Variants in MORC3 observed in about 807,000 individuals in gnomAD.
MORC3 encodes the protein MORC family CW-type zinc finger protein 3.
Under a neutral mutation model 109.1 loss-of-function variants are expected in MORC3, and 31 were observed. That is an observed-to-expected ratio of 0.28 (90% CI 0.21 to 0.38). The LOEUF is 0.38. Among genes scored for constraint, MORC3 ranks in the 10% least tolerant of loss-of-function variants. The pLI, the probability that MORC3 is intolerant of heterozygous loss-of-function variation, is 1.00. For missense variants in MORC3, 867 were observed against 1,135.8 expected, an observed-to-expected ratio of 0.76 and a Z score of 3.40; for synonymous variants, 395 against 380.7, an observed-to-expected ratio of 1.04 and a Z score of -0.44.
intron 1 of MORC3, among the ~76,000 whole-genome samples, chr21:36,327,161 T>TG (rs1430570128): frequency 1.0e-4 from 4 of 38,160 alleles, no homozygotes; most frequent in African/African-American, 2.5e-4. Context: ...ATTTCTTTTT[T>TG]TTTTTTTTTT....
chr21:36,334,392 G>A (rs2085352302), intron 2 of MORC3, among the ~76,000 whole-genome samples: 1 of 152,078 alleles, frequency 6.6e-6, no homozygotes, highest in Admixed American at 6.6e-5. Context: ...GATTTACTTT[G>A]CTAAGTTCCT....
intron 15 of MORC3, among the ~76,000 whole-genome samples, chr21:36,370,633 A>ATTT (rs2085848041): frequency 1.7e-4 from 8 of 46,476 alleles, no homozygotes; most frequent in Non-Finnish European, 2.7e-4. Flanking sequence ...ATATATATAT[A>ATTT]TATATATTTT....
chr21:36,343,144 G>T (rs1299478446), intron 6 of MORC3, among the ~76,000 whole-genome samples: 1 of 152,124 alleles, frequency 6.6e-6, no homozygotes, highest in Non-Finnish European at 1.5e-5. Context: ...TGCCCAGGCT[G>T]GAGTGCAATG....
intron 9 of MORC3, among the ~76,000 whole-genome samples, chr21:36,353,905 T>C (rs2085609001): frequency 6.6e-6 from 1 of 151,084 alleles, no homozygotes; most frequent in African/African-American, 2.4e-5. Context: ...GTCCCATCTC[T>C]ACTAAAAATA....
At chr21:36,330,975 A>G (rs963093920) in intron 1 of MORC3, among the ~76,000 whole-genome samples, 1 of 152,234 alleles carries the variant, frequency 6.6e-6, no homozygotes, top group Non-Finnish European at 1.5e-5. Flanking sequence ...TCTAAATTGC[A>G]TATATACCAG....
chr21:36,341,445 A>G lies in MORC3; in HGVS notation c.655A>G (p.Ile219Val). Residue 219 changes from isoleucine to valine, a missense_variant, in exon 6 of 17, where the codon ATC (isoleucine) becomes GTC (valine). Transcript: ENST00000400485. ...EFDFEKDKYD[I>V]RIPEDLDEIT... ...CGATTTTGAAAAGGATAAATATGATATCAGAATTCCCGAGGATTTAGATGA... is the reference window on the plus strand; with the variant it reads ...CGATTTTGAAAAGGATAAATATGATGTCAGAATTCCCGAGGATTTAGATGA... 2 of 1,613,052 alleles carry G rather than the reference A, an allele frequency of 1.2e-6. No individual in the cohort carries two copies. The highest frequency in any genetic ancestry group is 1.1e-5 in the South Asian group (1 of 90,718).
intron 9 of MORC3, among the ~76,000 whole-genome samples, chr21:36,354,574 A>G (rs1381358706): frequency 6.6e-6 from 1 of 152,102 alleles, no homozygotes; most frequent in African/African-American, 2.4e-5. Context: ...AAGTGCTGGG[A>G]TTACAGGCGT....
At chr21:36,334,075 C>G (rs1335022098) in intron 2 of MORC3, among the ~76,000 whole-genome samples, 1 of 152,054 alleles carries the variant, frequency 6.6e-6, no homozygotes, top group East Asian at 1.9e-4. Flanking sequence ...GTGTGAGCCA[C>G]CGCACCCGGC....
Position 36,333,627 on chromosome 21 carries a change from G to A in MORC3, c.40-19G>A, listed in dbSNP as rs2146294637. 1.3e-6 allele frequency: 2 copies of A among 1,594,680 alleles called. No homozygotes were observed. The highest frequency in any genetic ancestry group is 1.7e-6 in the Non-Finnish European group (2 of 1,163,384). On this transcript the variant is annotated intron_variant, in intron 1 of 16. Coordinates refer to ENST00000400485, the MANE Select transcript of MORC3 (RefSeq NM_015358.3). ...AGTAAGACCTGAATTAATTTACATGGACCTTTTGTTTGTTTCAGCTTTGCC... is the reference window on the plus strand; with the variant it reads ...AGTAAGACCTGAATTAATTTACATGAACCTTTTGTTTGTTTCAGCTTTGCC...
intron 9 of MORC3, among the ~76,000 whole-genome samples, chr21:36,355,464 C>T (rs2085634973): frequency 6.6e-6 from 1 of 152,124 alleles, no homozygotes; most frequent in South Asian, 2.1e-4. Flanking sequence ...CTTTTCTCTT[C>T]AAGGCTTAAG....
intron 1 of MORC3, chr21:36,320,634 C>T: frequency 3.8e-6 from 1 of 263,668 alleles, no homozygotes; most frequent in East Asian, 6.8e-5. Context: ...CTCGGGGCCG[C>T]GGGGCCCCTG....
At chr21:36,330,442 C>T (rs930864358) in intron 1 of MORC3, among the ~76,000 whole-genome samples, 7 of 152,090 alleles carry the variant, frequency 4.6e-5, no homozygotes, top group Non-Finnish European at 1.0e-4. Flanking sequence ...TGGAAGTCCC[C>T]GCTTTGACTT....
At chr21:36,370,903 A>G (rs1319160937) in intron 15 of MORC3, among the ~76,000 whole-genome samples, 1 of 151,872 alleles carries the variant, frequency 6.6e-6, no homozygotes, top group East Asian at 1.9e-4. Flanking sequence ...TCCTGACATC[A>G]AGTGATCCAC....
At chr21:36,354,323 C>CTTTTTTTTTTTTT (rs144208712) in intron 9 of MORC3, among the ~76,000 whole-genome samples, 32 of 113,628 alleles carry the variant, frequency 2.8e-4, no homozygotes, top group Non-Finnish European at 3.4e-4. Flanking sequence ...TTCTTTCTTT[C>CTTTTTTTTTTTTT]TTTTTTTTTT....
In MORC3 at chr21:36,336,874, A is replaced by G; in HGVS notation, c.113A>G (p.Asp38Gly). The change falls in exon 3 of 17, where the codon GAT becomes GGT. Residue 38 changes from aspartate (D) to glycine (G), a missense_variant and splice_region_variant. Asp to Gly is a moderately conservative substitution (Grantham distance 94). Coordinates refer to ENST00000400485, the MANE Select transcript of MORC3 (RefSeq NM_015358.3). ...ATTTCTTCAAACTTGTGTTTCCCAG[A>G]TAATGCTTATGATCCTGATGTGAAC... ...WPFSAVAELI[D>G]NAYDPDVNAK... 1 of 1,597,846 alleles carries G rather than the reference A, an allele frequency of 6.3e-7. No homozygotes were observed. Among genetic ancestry groups the G allele is most frequent in the Non-Finnish European group, 8.5e-7 (1 of 1,172,720 alleles).
At chr21:36,342,461 G>A (rs552603678) in intron 6 of MORC3, among the ~76,000 whole-genome samples, 12 of 152,104 alleles carry the variant, frequency 7.9e-5, no homozygotes, top group East Asian at 7.8e-4. Flanking sequence ...GGAGTGCAGC[G>A]GTGAGATCTC....
intron 9 of MORC3, among the ~76,000 whole-genome samples, chr21:36,350,243 G>C (rs1421891971): frequency 1.3e-5 from 2 of 152,088 alleles, no homozygotes; most frequent in Non-Finnish European, 2.9e-5. Context: ...GGAAGGTGGA[G>C]TGTGCAGTGA....
At chr21:36,353,614 C>T (rs943170844) in intron 9 of MORC3, among the ~76,000 whole-genome samples, 4 of 151,676 alleles carry the variant, frequency 2.6e-5, no homozygotes, top group Admixed American at 6.6e-5. Flanking sequence ...GAGTCTTGCT[C>T]TGTCATCCAG....
At chr21:36,374,972 TAAAAGTGA>T (rs1207584284) in intron 16 of MORC3, among the ~76,000 whole-genome samples, 163 bp from the exon 17 acceptor site, 1 of 152,240 alleles carries the variant, frequency 6.6e-6, no homozygotes, top group East Asian at 1.9e-4. Flanking sequence ...ACCTGACTCA[TAAAAGTGA>T]ATTATTAAAG....
Sources: allele counts gnomAD v4.1 joint callset (sites outside exome capture counted in the v4.1 genomes callset), GRCh38; gene constraint gnomAD v4.1.1; transcripts MANE v1.5; gene names NCBI Gene and HGNC (gene_info 2026-07-23, HGNC 2026-07-21).